The following SPICE1 variants were observed in gnomAD, a reference collection of about 807,000 sequenced individuals.
The protein encoded by SPICE1 is spindle and centriole-associated protein 1.
In SPICE1, 75 loss-of-function variants were observed where a neutral mutation model predicts 102.7. The ratio of observed to expected loss-of-function variants is 0.73; its 90% CI spans 0.61 to 0.88. SPICE1 has a LOEUF of 0.88. Ranked by LOEUF, SPICE1 falls within the 40% of genes least tolerant of loss-of-function variation. The probability of loss-of-function intolerance (pLI) is 0.00; values close to 1 mark genes in which losing one functional copy is unlikely to be tolerated. For missense variants in SPICE1, 979 were observed against 1,020.1 expected (o/e 0.96, Z 0.55); for synonymous variants, 308 against 350.3 (o/e 0.88, Z 1.35).
intron 16 of SPICE1, 68 bp downstream of exon 16, chr3:113,447,970 G>C: frequency 1.4e-6 from 2 of 1,395,150 alleles, no homozygotes; most frequent in Non-Finnish European, 1.9e-6. Flanking sequence ...TTTTCACAAA[G>C]AGAATAAAAT....
At chr3:113,482,842 G>A (rs1936545215) in intron 7 of SPICE1, among the ~76,000 whole-genome samples, 3 of 152,294 alleles carry the variant, frequency 2.0e-5, no homozygotes, top group African/African-American at 7.2e-5. Context: ...GTAGTGTGAT[G>A]ACTCCAGCTT....
intron 7 of SPICE1, among the ~76,000 whole-genome samples, chr3:113,483,485 T>A (rs1314087515): frequency 2.0e-5 from 3 of 148,338 alleles, no homozygotes; most frequent in Non-Finnish European, 4.6e-5. Flanking sequence ...CCTTTTGCCT[T>A]GCCCATCCAG....
chr3:113,444,047 CAT>C lies in SPICE1; in HGVS notation c.*1258_*1259del, dbSNP rs1469756674. On this transcript the variant is annotated 3_prime_UTR_variant, in exon 18 of 18. Transcript: ENST00000295872. ...GCTTTCTGGGGCATACTGGAGAAGT[CAT>C]ATGTTATCAAAATATATGAGTCTAA... is the stretch of plus-strand genomic sequence containing the variant. The C allele has an allele frequency of 6.6e-6, 1 of 152,114 alleles. No homozygotes were observed. The highest frequency in any genetic ancestry group is 1.5e-5 in the Non-Finnish European group (1 of 68,034). 9.4% of individuals were successfully genotyped at this position (152,114 alleles called of 1,614,324 possible).
intron 6 of SPICE1, among the ~76,000 whole-genome samples, chr3:113,491,343 G>A (rs116797265): frequency 7.6e-4 from 116 of 152,174 alleles, no homozygotes; most frequent in African/African-American, 1.8e-3. Context: ...ATAGCAGGCC[G>A]GGCGTGGTGG....
At chr3:113,476,943 C>T (rs1028821946) in intron 7 of SPICE1, among the ~76,000 whole-genome samples, 13 of 152,146 alleles carry the variant, frequency 8.5e-5, no homozygotes, top group African/African-American at 3.1e-4. Flanking sequence ...TGGGATCTAA[C>T]TAAACTAAAG....
intron 7 of SPICE1, among the ~76,000 whole-genome samples, chr3:113,472,854 C>T (rs1475612346): frequency 1.3e-5 from 2 of 152,162 alleles, no homozygotes; most frequent in African/African-American, 2.4e-5. Context: ...AGCAGAAAAA[C>T]TGGAAACTCT....
At chr3:113,483,754 T>C (rs1576638879) in intron 7 of SPICE1, among the ~76,000 whole-genome samples, 1 of 152,336 alleles carries the variant, frequency 6.6e-6, no homozygotes, top group East Asian at 1.9e-4. Flanking sequence ...ATAAGCTTTT[T>C]GATGTGCTGC....
intron 16 of SPICE1, 122 bp from the exon 17 acceptor site, chr3:113,446,798 G>A (rs1196959157): frequency 2.7e-6 from 2 of 737,508 alleles, no homozygotes; most frequent in Non-Finnish European, 2.3e-6. Context: ...GCTAACTTAG[G>A]TCCAACGAGG....
chr3:113,463,111 G>T (rs1935971616), intron 11 of SPICE1, among the ~76,000 whole-genome samples: 2 of 152,108 alleles, frequency 1.3e-5, no homozygotes, highest in African/African-American at 4.8e-5. Flanking sequence ...GCCTCTTCCA[G>T]GTCTTGGCTC....
intron 7 of SPICE1, among the ~76,000 whole-genome samples, chr3:113,481,312 C>T (rs1399584821): frequency 6.6e-6 from 1 of 151,854 alleles, no homozygotes; most frequent in African/African-American, 2.4e-5. Flanking sequence ...AACAAAAGCC[C>T]CAAAACACTT....
intron 7 of SPICE1, among the ~76,000 whole-genome samples, chr3:113,475,889 C>T (rs1215978668): frequency 1.3e-5 from 2 of 151,840 alleles, no homozygotes; most frequent in Non-Finnish European, 2.9e-5. Flanking sequence ...CAGGGATGCC[C>T]TCTCTCACTA....
intron 12 of SPICE1, chr3:113,459,753 G>A (rs866189300): frequency 2.2e-5 from 16 of 721,334 alleles, no homozygotes; most frequent in Middle Eastern, 7.2e-4. Flanking sequence ...GTGGTGGCAG[G>A]CGCCTATAAT....
chr3:113,478,873 A>C (rs965504138), intron 7 of SPICE1, among the ~76,000 whole-genome samples: 2 of 152,196 alleles, frequency 1.3e-5, no homozygotes, highest in African/African-American at 4.8e-5. Flanking sequence ...CAAGTTCCAC[A>C]GGTAGAAATA....
At chr3:113,490,648 G>T (rs1346428403) in intron 6 of SPICE1, among the ~76,000 whole-genome samples, 1 of 144,218 alleles carries the variant, frequency 6.9e-6, no homozygotes, top group African/African-American at 2.5e-5. Flanking sequence ...TCTCAAAAAA[G>T]AAAAAAAAAA....
chr3:113,447,995 T>G lies in SPICE1; in HGVS notation c.2426+43A>C, dbSNP rs182812712. ...GAGAATAAAATACATACCAAATTCT[T>G]TTTGATTTTTTTTTTTAAATAAATA... On this transcript the variant is annotated intron_variant, in intron 16 of 17. Coordinates refer to ENST00000295872, the MANE Select transcript of SPICE1 (RefSeq NM_144718.4). 15 of 1,536,474 alleles carry G rather than the reference T, an allele frequency of 9.8e-6. No homozygotes were observed. The Admixed American group carries it at 1.4e-4, about 14-fold the overall frequency.
chr3:113,461,931 C>T lies in SPICE1; in HGVS notation c.1288-1167G>A, dbSNP rs116180636. On this transcript the variant is annotated intron_variant, in intron 11 of 17. Transcript: ENST00000295872. ...TATCCAGTGGCCTACTCAACACCTC[C>T]ATCTAGAACTGAAATAGACTTCTCA... Among the ~76,000 whole-genome samples the T allele has an allele frequency of 9.5e-3, 1,442 of 152,214 alleles. 25 individuals carry two copies. Among genetic ancestry groups the T allele is most frequent in the African/African-American group, 0.031 (1,291 of 41,524 alleles).
At chr3:113,498,466 G>A (rs1426005425) in intron 4 of SPICE1, among the ~76,000 whole-genome samples, 1 of 152,104 alleles carries the variant, frequency 6.6e-6, no homozygotes. Flanking sequence ...GTGTTTTTAG[G>A]CCTTTCACTG....
chr3:113,449,589 C>T (rs1935597600), intron 15 of SPICE1: 2 of 152,154 alleles, frequency 1.3e-5, no homozygotes, highest in South Asian at 4.1e-4. Flanking sequence ...TGGAAGGTAT[C>T]TTAAAGGTAA....
chr3:113,460,455 C>T lies in SPICE1; in HGVS notation c.1435+162G>A, dbSNP rs147180168. On this transcript the variant is annotated intron_variant, in intron 12 of 17. Coordinates refer to ENST00000295872, the MANE Select transcript of SPICE1 (RefSeq NM_144718.4). ...CAAGTATCTGGCATAGAGCATGCAT[C>T]CAATATTAGCTGGAAAAGTAGTGGC... The T allele has an allele frequency of 7.1e-6, 7 of 984,760 alleles. No individual in the cohort carries two copies. In the East Asian group the frequency reaches 7.9e-4, roughly 112 times the overall value. 61.0% of individuals were successfully genotyped at this position (984,760 alleles called of 1,614,324 possible).
Sources: gnomAD v4.1 joint callset for allele counts (sites outside exome capture counted in the v4.1 genomes callset) on GRCh38, gnomAD v4.1.1 for gene constraint, MANE v1.5 for transcripts, NCBI Gene and HGNC (gene_info 2026-07-23, HGNC 2026-07-21) for gene names.